VLDLR: variants seen among roughly 807,000 people sequenced by gnomAD.
VLDLR encodes the protein very low density lipoprotein receptor.
A neutral mutation model predicts 112.7 loss-of-function variants in VLDLR; 81 were observed. That is an observed-to-expected ratio of 0.72 (90% CI 0.60 to 0.86). The LOEUF (loss-of-function observed/expected upper bound fraction) is 0.86. VLDLR is among the 40% of genes least tolerant of loss of function. VLDLR has a pLI of 0.00. For missense variants in VLDLR, 1,237 were observed against 1,099.4 expected (o/e 1.13, Z -1.77); for synonymous variants, 436 against 384.8 (o/e 1.13, Z -1.56).
intron 3 of VLDLR, among the ~76,000 whole-genome samples, chr9:2,640,517 G>A (rs1297557268): frequency 1.3e-5 from 2 of 152,114 alleles, no homozygotes; most frequent in East Asian, 3.9e-4. Flanking sequence ...AAACTTCATA[G>A]GTATGCAAGT....
chr9:2,643,079 C>A, intron 4 of VLDLR, 81 bp from the exon 5 acceptor site: 2 of 1,586,934 alleles, frequency 1.3e-6, no homozygotes, highest in East Asian at 4.5e-5. Flanking sequence ...GAATAAAGAT[C>A]AATGTATTAG....
chr9:2,623,179 G>C (rs935419341), intron 1 of VLDLR, among the ~76,000 whole-genome samples: 1 of 152,218 alleles, frequency 6.6e-6, no homozygotes, highest in Admixed American at 6.5e-5. Context: ...GTCTTGTTGG[G>C]AAGGGCGGCG....
At chr9:2,653,075 T>C in intron 18 of VLDLR, 126 bp downstream of exon 18, 1 of 1,237,742 alleles carries the variant, frequency 8.1e-7, no homozygotes. Flanking sequence ...GCTACCTGGC[T>C]ATTAGACAGA....
Position 2,621,962 on chromosome 9 carries a change from T to C in VLDLR, c.-228T>C, listed in dbSNP as rs1313967593. 4 of 659,868 alleles carry C rather than the reference T, an allele frequency of 6.1e-6. No homozygotes were observed. Among genetic ancestry groups the C allele is most frequent in the Admixed American group, 2.1e-5 (1 of 47,080 alleles). 40.9% of individuals were successfully genotyped at this position (659,868 alleles called of 1,614,324 possible). A position where few individuals can be genotyped will look rare whatever the true frequency, so the allele number is the denominator to read the frequency against. On this transcript the variant is annotated 5_prime_UTR_variant, in exon 1 of 19. Coordinates refer to ENST00000382100, the MANE Select transcript of VLDLR (RefSeq NM_003383.5). ...CCGCAGGCTCGGCTTGCACTGCTGC[T>C]GCAGCCCGGGGAGGTGGCTGGGTGG...
Position 2,643,507 on chromosome 9 carries a change from G to C in VLDLR, c.796G>C (p.Asp266His). ...ATGTGATGGGGACCCTGACTGCAAGGATGGCAGTGATGAGGTCAACTGTCG... is the reference window on the plus strand; with the variant it reads ...ATGTGATGGGGACCCTGACTGCAAGCATGGCAGTGATGAGGTCAACTGTCG... Reference protein sequence around the residue: ...WRCDGDPDCKDGSDEVNCPSR... With the variant: ...WRCDGDPDCKHGSDEVNCPSR... The change falls in exon 5 of 19, where the codon GAT (aspartate) becomes CAT (histidine). Residue 266 changes from aspartate to histidine, a missense_variant. Transcript: ENST00000382100. 1 of 1,614,216 alleles carries C rather than the reference G, an allele frequency of 6.2e-7. No homozygotes were observed. Among genetic ancestry groups the C allele is most frequent in the Non-Finnish European group, 8.5e-7 (1 of 1,180,046 alleles).
At chr9:2,631,354 C>G (rs1817342016) in intron 1 of VLDLR, among the ~76,000 whole-genome samples, 1 of 152,178 alleles carries the variant, frequency 6.6e-6, no homozygotes, top group Non-Finnish European at 1.5e-5. Context: ...CAAGGGATAC[C>G]TGCACTGGCA....
rs147263784 is a variant in VLDLR, at chr9:2,651,473, A to G, written c.2310A>G (p.Ser770=). ...ETKDTNTTEI[S]ATSGLVPGGI... ...AAGATACGAACACAACAGAAATTTC[A>G]GCAACTAGTGGACTAGTTCCTGGAG... The change falls in exon 16 of 19, where the codon TCA becomes TCG. Residue 770 remains serine, a synonymous_variant. Coordinates refer to ENST00000382100, the MANE Select transcript of VLDLR (RefSeq NM_003383.5). 87 of 1,613,870 alleles carry G rather than the reference A, an allele frequency of 5.4e-5. No homozygotes were observed. The highest frequency in any genetic ancestry group is 7.0e-5 in the Non-Finnish European group (83 of 1,179,934).
At position 2,659,027 on chromosome 9, in the gene VLDLR, A is replaced by T. The variant is rs765764291; in HGVS notation, c.*5159A>T. On this transcript the variant is annotated 3_prime_UTR_variant, in exon 19 of 19. Transcript: ENST00000382100. ...TTTGACTACCTCCTAGGACATGGAAACAAATATTTGGGAGCCTGCATAGTC... is the reference window on the plus strand; with the variant it reads ...TTTGACTACCTCCTAGGACATGGAATCAAATATTTGGGAGCCTGCATAGTC... 2 of 152,180 alleles carry T rather than the reference A, an allele frequency of 1.3e-5. No homozygotes were observed. Among genetic ancestry groups the T allele is most frequent in the African/African-American group, 4.8e-5 (2 of 41,450 alleles). The allele number at this position is 152,180 out of a possible 1,614,324, so 9.4% of individuals were successfully genotyped here. A position where few individuals can be genotyped will look rare whatever the true frequency, so the allele number is the denominator to read the frequency against.
chr9:2,654,013 T>C lies in VLDLR; in HGVS notation c.*145T>C, dbSNP rs1818483898. On this transcript the variant is annotated 3_prime_UTR_variant, in exon 19 of 19. Transcript: ENST00000382100. Reference sequence around the variant, plus strand: ...CTTTGCGTGGATCAAGCTTGTGTACTTGACCGTTTTTATATTACTTTTGTA... The same window carrying C: ...CTTTGCGTGGATCAAGCTTGTGTACCTGACCGTTTTTATATTACTTTTGTA... 1.3e-6 allele frequency: 1 copy of C among 763,264 alleles called. No individual in the cohort carries two copies. 47.3% of individuals were successfully genotyped at this position (763,264 alleles called of 1,614,324 possible). A position where few individuals can be genotyped will look rare whatever the true frequency, so the allele number is the denominator to read the frequency against.
rs760674700 is a variant in VLDLR, at chr9:2,645,643, A to G, written c.1382A>G (p.Tyr461Cys). Residue 461 changes from tyrosine (Y) to cysteine (C), a missense_variant, in exon 10 of 19, where the codon TAT becomes TGT. Coordinates refer to ENST00000382100, the MANE Select transcript of VLDLR (RefSeq NM_003383.5). ...IRKIGLERKEYIQLVEQLRNT... is the reference protein window; with the variant it reads ...IRKIGLERKECIQLVEQLRNT... ...AAGATTGGCTTAGAGAGGAAAGAAT[A>G]TATCCAACTAGTTGAACAGCTAAGA... 1.2e-6 allele frequency: 2 copies of G among 1,614,088 alleles called. No individual in the cohort carries two copies.
At position 2,646,346 on chromosome 9, in the gene VLDLR, T is replaced by C. The variant is rs756687183; in HGVS notation, c.1497T>C (p.Asp499=). Residue 499 remains aspartate (D), a synonymous_variant, in exon 11 of 19, where the codon GAT becomes GAC. Transcript: ENST00000382100. The part of the protein sequence containing the change: ...SQKAIFSASI[D]DKVGRHVKMI... ...TATTCTGTTTCAGTGCCTCAATTGA[T>C]GACAAGGTTGGTAGACATGTTAAAA... The C allele has an allele frequency of 2.5e-5, 40 of 1,614,058 alleles. No individual in the cohort carries two copies. The highest frequency in any genetic ancestry group is 3.4e-5 in the Non-Finnish European group (40 of 1,180,018).
Position 2,654,172 on chromosome 9 carries a change from A to T in VLDLR, c.*304A>T, listed in dbSNP as rs1818494307. 2.4e-6 allele frequency: 1 copy of T among 419,698 alleles called. No homozygotes were observed. The highest frequency in any genetic ancestry group is 2.1e-5 in the South Asian group (1 of 46,574). The allele number at this position is 419,698 out of a possible 1,614,324, so 26.0% of individuals were successfully genotyped here. A position where few individuals can be genotyped will look rare whatever the true frequency, so the allele number is the denominator to read the frequency against. On this transcript the variant is annotated 3_prime_UTR_variant, in exon 19 of 19. Coordinates refer to ENST00000382100, the MANE Select transcript of VLDLR (RefSeq NM_003383.5). ...TAGAAAGCCATATTCCAGCAGTGAA[A>T]CTTGTGCTATAGTGTATACCACCTG...
chr9:2,646,212 C>A, intron 10 of VLDLR, 122 bp from the exon 11 acceptor site: 1 of 850,426 alleles, frequency 1.2e-6, no homozygotes, highest in Non-Finnish European at 2.0e-6. Context: ...GAGTGGTGAG[C>A]TGTGGTGTTA....
In VLDLR at chr9:2,643,539, G is replaced by C. The variant is rs780654099; in HGVS notation, c.820+8G>C. 2 of 1,614,222 alleles carry C rather than the reference G, an allele frequency of 1.2e-6. No homozygotes were observed. Among genetic ancestry groups the C allele is most frequent in the Admixed American group, 3.3e-5 (2 of 60,032 alleles). On this transcript the variant is annotated splice_region_variant and intron_variant, in intron 5 of 18. Coordinates refer to ENST00000382100, the MANE Select transcript of VLDLR (RefSeq NM_003383.5). ...GTGATGAGGTCAACTGTCGTAAGTA[G>C]CTTTCTAGCATGGCATGTTCAGTTC... is the stretch of plus-strand genomic sequence containing the variant.
intron 2 of VLDLR, 100 bp from the exon 3 acceptor site, chr9:2,639,759 T>A (rs919018125): frequency 2.5e-6 from 4 of 1,597,284 alleles, no homozygotes; most frequent in Non-Finnish European, 3.4e-6. Context: ...TCAGCTTTTT[T>A]TTAGAGCAAA....
chr9:2,648,443 A>T, intron 13 of VLDLR, 96 bp downstream of exon 13: 1 of 1,589,402 alleles, frequency 6.3e-7, no homozygotes, highest in African/African-American at 1.3e-5. Flanking sequence ...AGAGCAGCTG[A>T]ACATGGCTTG....
At chr9:2,630,968 T>C (rs1478199620) in intron 1 of VLDLR, among the ~76,000 whole-genome samples, 1 of 151,732 alleles carries the variant, frequency 6.6e-6, no homozygotes, top group Non-Finnish European at 1.5e-5. Flanking sequence ...ACTCAAACAA[T>C]GGGGAAAAAA....
chr9:2,646,698 T>C (rs1586654589), intron 11 of VLDLR, 146 bp downstream of exon 11: 1 of 879,494 alleles, frequency 1.1e-6, no homozygotes, highest in East Asian at 2.6e-5. Flanking sequence ...ATATCAGTTT[T>C]GCCCCAGGTG....
In VLDLR at chr9:2,650,393, A is replaced by G. The variant is rs1818268359; in HGVS notation, c.2128A>G (p.Met710Val). ...AGGTAAAAATTGGTGTGAAGAAGACATGGAGAATGGAGGATGTGAATACCT... is the reference window on the plus strand; with the variant it reads ...AGGTAAAAATTGGTGTGAAGAAGACGTGGAGAATGGAGGATGTGAATACCT... ...PSGKNWCEED[M>V]ENGGCEYLCL... Residue 710 changes from methionine to valine, a missense_variant, in exon 15 of 19, where the codon ATG becomes GTG. Coordinates refer to ENST00000382100, the MANE Select transcript of VLDLR (RefSeq NM_003383.5). 4 of 1,614,012 alleles carry G rather than the reference A, an allele frequency of 2.5e-6. 1 individual carries two copies. The highest frequency in any genetic ancestry group is 3.4e-6 in the Non-Finnish European group (4 of 1,180,014).
Sources: gnomAD v4.1 joint callset for allele counts (sites outside exome capture counted in the v4.1 genomes callset) on GRCh38, gnomAD v4.1.1 for gene constraint, MANE v1.5 for transcripts, NCBI Gene and HGNC (gene_info 2026-07-23, HGNC 2026-07-21) for gene names.